ZSWIM6: variants seen among roughly 807,000 people sequenced by gnomAD.
ZSWIM6 encodes zinc finger SWIM domain-containing protein 6.
In ZSWIM6, 9 loss-of-function variants were observed where a neutral mutation model predicts 113.2. The ratio of observed to expected loss-of-function variants is 0.08; its 90% CI spans 0.05 to 0.14. The LOEUF is 0.14. ZSWIM6 is among the 10% of genes least tolerant of loss of function. The pLI is 1.00. For synonymous variants in ZSWIM6, 611 were observed against 606.5 expected (o/e 1.01, Z -0.11); for missense variants, 1,162 against 1,552.2 (o/e 0.75, Z 4.22).
At chr5:61,447,310 C>T (rs965996672) in intron 1 of ZSWIM6, among the ~76,000 whole-genome samples, 1 of 152,124 alleles carries the variant, frequency 6.6e-6, no homozygotes, top group African/African-American at 2.4e-5. Context: ...CATATACAAA[C>T]AATTACTGAA....
At chr5:61,477,473 A>G (rs1747736482) in intron 2 of ZSWIM6, among the ~76,000 whole-genome samples, 1 of 152,180 alleles carries the variant, frequency 6.6e-6, no homozygotes, top group Non-Finnish European at 1.5e-5. Flanking sequence ...GGAGGAACCT[A>G]GGCTCCGTAC....
intron 1 of ZSWIM6, among the ~76,000 whole-genome samples, chr5:61,355,163 T>A (rs1431561528): frequency 6.6e-6 from 1 of 152,184 alleles, no homozygotes; most frequent in Non-Finnish European, 1.5e-5. Context: ...TCAGTTTCCC[T>A]TGTCAAAGGA....
At chr5:61,403,853 CAGTG>C (rs1745988189) in intron 1 of ZSWIM6, among the ~76,000 whole-genome samples, 1 of 152,094 alleles carries the variant, frequency 6.6e-6, no homozygotes, top group African/African-American at 2.4e-5. Context: ...ATGTTTTTGA[CAGTG>C]AGGAAATTAA....
At chr5:61,481,016 A>G (rs976283987) in intron 2 of ZSWIM6, among the ~76,000 whole-genome samples, 9 of 152,168 alleles carry the variant, frequency 5.9e-5, no homozygotes, top group South Asian at 2.1e-4. Context: ...TGAGAAATCA[A>G]TTTTAACAAA....
chr5:61,423,820 TC>T (rs1323543062), intron 1 of ZSWIM6, among the ~76,000 whole-genome samples: 1 of 152,224 alleles, frequency 6.6e-6, no homozygotes, highest in African/African-American at 2.4e-5. Flanking sequence ...GTTCAGCTTT[TC>T]CTTTTCATTA....
intron 4 of ZSWIM6, among the ~76,000 whole-genome samples, chr5:61,515,926 G>A (rs940416652): frequency 1.3e-5 from 2 of 151,900 alleles, no homozygotes; most frequent in African/African-American, 4.8e-5. Context: ...TTTATACCTG[G>A]TATAGTATTC....
chr5:61,479,272 T>G (rs1561254662), intron 2 of ZSWIM6, among the ~76,000 whole-genome samples: 1 of 152,162 alleles, frequency 6.6e-6, no homozygotes, highest in Non-Finnish European at 1.5e-5. Context: ...ACATTTCACT[T>G]TAGTGCCAAA....
In ZSWIM6 at chr5:61,467,819, C is replaced by T. The variant is rs556056180; in HGVS notation, c.677-4862C>T. On this transcript the variant is annotated intron_variant, in intron 1 of 13. Transcript: ENST00000252744. ...ACTCTTTGAAATACTTTGGTTTTGCCATCAAATAGCAGTGATTCTTCTACT... is the reference window on the plus strand; with the variant it reads ...ACTCTTTGAAATACTTTGGTTTTGCTATCAAATAGCAGTGATTCTTCTACT... Among the ~76,000 whole-genome samples the T allele has an allele frequency of 1.3e-4, 20 of 151,910 alleles. 1 individual carries two copies. The South Asian group carries it at 4.2e-3, about 32-fold the overall frequency.
At chr5:61,496,448 C>T (rs923766241) in intron 4 of ZSWIM6, among the ~76,000 whole-genome samples, 8 of 152,126 alleles carry the variant, frequency 5.3e-5, no homozygotes, top group Admixed American at 4.6e-4. Flanking sequence ...AAAGGAAAGG[C>T]TTTTCTTCTT....
At chr5:61,333,009 G>GCCCC in intron 1 of ZSWIM6, 61 bp downstream of exon 1, 2 of 439,878 alleles carry the variant, frequency 4.5e-6, no homozygotes, top group Non-Finnish European at 6.4e-6. Context: ...TGGGGGGGGG[G>GCCCC]TGCCCGCCTT....
intron 1 of ZSWIM6, among the ~76,000 whole-genome samples, chr5:61,396,956 A>G (rs1207502045): frequency 6.6e-6 from 1 of 152,204 alleles, no homozygotes; most frequent in Non-Finnish European, 1.5e-5. Context: ...TTGCCCTTAC[A>G]GAGTTTAAAA....
At chr5:61,461,562 T>G (rs1747324418) in intron 1 of ZSWIM6, among the ~76,000 whole-genome samples, 1 of 152,106 alleles carries the variant, frequency 6.6e-6, no homozygotes, top group South Asian at 2.1e-4. Context: ...GTGGAAAGCT[T>G]TGGAGTGCCC....
At chr5:61,461,040 T>C (rs1469047414) in intron 1 of ZSWIM6, among the ~76,000 whole-genome samples, 3 of 152,200 alleles carry the variant, frequency 2.0e-5, no homozygotes, top group Non-Finnish European at 2.9e-5. Context: ...GTAAAAATTA[T>C]GTTGGTAAAA....
intron 2 of ZSWIM6, among the ~76,000 whole-genome samples, chr5:61,480,632 T>C (rs1747830283): frequency 6.6e-6 from 1 of 152,208 alleles, no homozygotes; most frequent in South Asian, 2.1e-4. Flanking sequence ...ACTTACCCCT[T>C]TGAAAGGAGA....
intron 1 of ZSWIM6, among the ~76,000 whole-genome samples, chr5:61,368,899 T>C (rs1299515271): frequency 6.6e-6 from 1 of 152,202 alleles, no homozygotes; most frequent in African/African-American, 2.4e-5. Flanking sequence ...CACTTAAGCT[T>C]ACCACTTACC....
intron 1 of ZSWIM6, among the ~76,000 whole-genome samples, chr5:61,409,736 T>G (rs1746117719): frequency 6.6e-6 from 1 of 152,216 alleles, no homozygotes. Context: ...GCAAATTTAT[T>G]AGCTTTTTGT....
At chr5:61,540,141 G>A (rs1022993776) in intron 12 of ZSWIM6, among the ~76,000 whole-genome samples, 1 of 152,176 alleles carries the variant, frequency 6.6e-6, no homozygotes. Context: ...TTTAGAGGAA[G>A]TATAAATTTT....
intron 1 of ZSWIM6, among the ~76,000 whole-genome samples, chr5:61,399,369 T>G (rs1745903080): frequency 6.6e-6 from 1 of 152,148 alleles, no homozygotes; most frequent in Non-Finnish European, 1.5e-5. Context: ...AACATTGGCA[T>G]TCCAGTTTGT....
intron 3 of ZSWIM6, among the ~76,000 whole-genome samples, chr5:61,492,380 G>A (rs1748204650): frequency 6.6e-6 from 1 of 152,006 alleles, no homozygotes; most frequent in Non-Finnish European, 1.5e-5. Flanking sequence ...GCCATATGAA[G>A]TAATAGCAAC....
Sources: allele counts gnomAD v4.1 joint callset (sites outside exome capture counted in the v4.1 genomes callset), GRCh38; gene constraint gnomAD v4.1.1; transcripts MANE v1.5; gene names NCBI Gene and HGNC (gene_info 2026-07-23, HGNC 2026-07-21).